Variants in HMG20A observed in about 807,000 individuals in gnomAD.
HMG20A encodes the protein high mobility group protein 20A.
HMG20A carries 17 observed loss-of-function variants against 43.9 expected under a neutral mutation model. The ratio of observed to expected loss-of-function variants is 0.39; its 90% confidence interval spans 0.27 to 0.58. HMG20A has a LOEUF of 0.58. Ranked by LOEUF, HMG20A falls within the 20% of genes least tolerant of loss-of-function variation. The pLI is 0.59. For missense variants in HMG20A, 341 were observed against 438.2 expected (o/e 0.78, Z 1.98); for synonymous variants, 132 against 147.5 (o/e 0.89, Z 0.76).
chr15:77,422,413 C>T lies in HMG20A; in HGVS notation c.-5+1409C>T, dbSNP rs1424166180. ...CGGGCAGATCACGAGGTCAGGAGTT[C>T]GAGACCAGCCTGGCCAGCATGGTGA... On this transcript the variant is annotated intron_variant, in intron 1 of 9. Transcript: ENST00000336216. Among the ~76,000 whole-genome samples the T allele has an allele frequency of 3.3e-5, 5 of 152,174 alleles. No individual in the cohort carries two copies. The East Asian group carries it at 9.7e-4, about 29-fold the overall frequency.
At chr15:77,517,440 T>G in the HMG20A span, among the ~76,000 whole-genome samples, 85 of 151,934 alleles carry the variant, frequency 5.6e-4, no homozygotes, top group African/African-American at 2.0e-3. Context: ...GACCTGGAGA[T>G]AGTGATGAGA....
At chr15:77,423,404 A>C (rs1189290550) in intron 1 of HMG20A, among the ~76,000 whole-genome samples, 2 of 152,088 alleles carry the variant, frequency 1.3e-5, no homozygotes, top group Non-Finnish European at 1.5e-5. Context: ...CCCTTTGTGC[A>C]GTTTTCTTTG....
At chr15:77,477,895 A>G (rs1344521024) in intron 7 of HMG20A, among the ~76,000 whole-genome samples, 1 of 152,204 alleles carries the variant, frequency 6.6e-6, no homozygotes, top group African/African-American at 2.4e-5. Flanking sequence ...GGAGTCCAAA[A>G]TATAAAATAA....
the HMG20A span, among the ~76,000 whole-genome samples, chr15:77,506,073 CAAAAAA>C: frequency 5.3e-4 from 37 of 69,728 alleles, no homozygotes; most frequent in African/African-American, 1.4e-3. Flanking sequence ...GTAGAGTTAG[CAAAAAA>C]AAAAAAAAAA....
Position 77,477,631 on chromosome 15 carries a change from G to A in HMG20A, c.691+1G>A. 1 of 1,598,786 alleles carries A rather than the reference G, an allele frequency of 6.3e-7. No homozygotes were observed. The highest frequency in any genetic ancestry group is 8.6e-7 in the Non-Finnish European group (1 of 1,168,638). On this transcript the variant is annotated splice_donor_variant, in intron 7 of 9. Transcript: ENST00000336216. LOFTEE classifies it high-confidence loss of function. The stretch of plus-strand genomic sequence containing the variant: ...GAGGAATTCTTGAACCATAGCAAAG[G>A]TGATTACTGAAGTTTCTTTTTGTGT...
rs776891578 is a variant in HMG20A, at chr15:77,464,227, G to C, written c.90-13G>C. On this transcript the variant is annotated splice_polypyrimidine_tract_variant and intron_variant, in intron 2 of 9. Transcript: ENST00000336216. Reference sequence around the variant, plus strand: ...GAGTTTTTGTGTTGTTGATACTTCTGCCTATTATTCAGGTTAAATCACCCA... The same window carrying C: ...GAGTTTTTGTGTTGTTGATACTTCTCCCTATTATTCAGGTTAAATCACCCA... 1 of 1,612,216 alleles carries C rather than the reference G, an allele frequency of 6.2e-7. No individual in the cohort carries two copies. Among genetic ancestry groups the C allele is most frequent in the South Asian group, 1.1e-5 (1 of 90,844 alleles).
chr15:77,508,762 T>A, the HMG20A span, among the ~76,000 whole-genome samples: 1 of 152,266 alleles, frequency 6.6e-6, no homozygotes, highest in Admixed American at 6.5e-5. Flanking sequence ...TATCCATTTT[T>A]AAAAATCATT....
intron 1 of HMG20A, among the ~76,000 whole-genome samples, chr15:77,448,239 C>G (rs2073696817): frequency 6.6e-6 from 1 of 152,156 alleles, no homozygotes; most frequent in South Asian, 2.1e-4. Flanking sequence ...CAGAATGATC[C>G]TATAAACTTG....
chr15:77,479,193 C>A lies in HMG20A; in HGVS notation c.922C>A (p.Pro308Thr). ...SMPLPGSGET[P>T]TVDTIDSYMN... ...TCTCACTTCAGGAAGTGGAGAGACA[C>A]CTACAGTGGACACCATTGACTCATA... Residue 308 changes from proline (P) to threonine (T), a missense_variant, in exon 9 of 10, where the codon CCT becomes ACT. Coordinates refer to ENST00000336216, the MANE Select transcript of HMG20A (RefSeq NM_001304504.2). The A allele has an allele frequency of 6.2e-7, 1 of 1,613,708 alleles. No individual in the cohort carries two copies. Among genetic ancestry groups the A allele is most frequent in the Non-Finnish European group, 8.5e-7 (1 of 1,179,618 alleles).
the HMG20A span, among the ~76,000 whole-genome samples, chr15:77,506,637 C>T: frequency 5.3e-5 from 8 of 152,328 alleles, no homozygotes; most frequent in African/African-American, 1.9e-4. Flanking sequence ...CCAGGGCCGC[C>T]AAAAGACAGA....
chr15:77,503,093 T>G, the HMG20A span, among the ~76,000 whole-genome samples: 16 of 152,352 alleles, frequency 1.1e-4, no homozygotes, highest in African/African-American at 3.8e-4. Flanking sequence ...TGCTTAGGTA[T>G]TCTTTTTTAA....
At chr15:77,511,542 A>G in the HMG20A span, among the ~76,000 whole-genome samples, 13 of 152,380 alleles carry the variant, frequency 8.5e-5, no homozygotes, top group Admixed American at 5.2e-4. Context: ...ATAAGATAAT[A>G]TCCAGAATAT....
intron 1 of HMG20A, among the ~76,000 whole-genome samples, chr15:77,440,739 T>C (rs1274594650): frequency 6.6e-6 from 1 of 152,202 alleles, no homozygotes; most frequent in Non-Finnish European, 1.5e-5. Context: ...TCACTCACTT[T>C]CATTGCCCAT....
At chr15:77,421,209 A>C in intron 1 of HMG20A, 13 of 299,870 alleles carry the variant, frequency 4.3e-5, no homozygotes, top group Non-Finnish European at 6.1e-5. Context: ...GGGGGTGGTG[A>C]TGGTTTGGGG....
At chr15:77,470,449 T>C (rs905880258) in intron 4 of HMG20A, among the ~76,000 whole-genome samples, 2 of 152,218 alleles carry the variant, frequency 1.3e-5, no homozygotes, top group African/African-American at 2.4e-5. Flanking sequence ...AAAGGGCCAA[T>C]TGATGTATGA....
chr15:77,442,766 T>C (rs796369820), intron 1 of HMG20A, among the ~76,000 whole-genome samples: 38 of 152,302 alleles, frequency 2.5e-4, no homozygotes, highest in African/African-American at 8.7e-4. Context: ...ATCCTTCTAA[T>C]GGTGTTTTTC....
the HMG20A span, among the ~76,000 whole-genome samples, chr15:77,509,822 G>A: frequency 2.0e-5 from 3 of 151,326 alleles, no homozygotes; most frequent in African/African-American, 4.9e-5. Context: ...CAGGAGAATC[G>A]CTGGAACCTG....
At chr15:77,478,588 C>A in intron 8 of HMG20A, 78 bp downstream of exon 8, 2 of 1,112,348 alleles carry the variant, frequency 1.8e-6, no homozygotes, top group Non-Finnish European at 2.7e-6. Flanking sequence ...TATGTTAGTA[C>A]TGGTGTGGAG....
chr15:77,477,699 C>G, intron 7 of HMG20A, 69 bp downstream of exon 7: 1 of 1,062,130 alleles, frequency 9.4e-7, no homozygotes, highest in Non-Finnish European at 1.4e-6. Flanking sequence ...AGAAGAAATT[C>G]ATTGCTCAAA....
Sources: gnomAD v4.1 joint callset for allele counts (sites outside exome capture counted in the v4.1 genomes callset) on GRCh38, gnomAD v4.1.1 for gene constraint, MANE v1.5 for transcripts, NCBI Gene and HGNC (gene_info 2026-07-23, HGNC 2026-07-21) for gene names.